PADI3: variants seen among roughly 807,000 people sequenced by gnomAD.
PADI3 encodes the protein peptidyl arginine deiminase 3.
PADI3 carries 53 observed loss-of-function variants against 71.5 expected under a neutral mutation model. That is an observed-to-expected ratio of 0.74 (90% CI 0.59 to 0.93). The LOEUF is 0.93. Among genes scored for constraint, PADI3 ranks in the 40% least tolerant of loss-of-function variants. The probability of loss-of-function intolerance (pLI) is 0.00; values close to 1 mark genes in which losing one functional copy is unlikely to be tolerated. For missense variants in PADI3, 821 were observed against 868.0 expected, an observed-to-expected ratio of 0.95 and a Z score of 0.68; for synonymous variants, 361 against 347.5, an observed-to-expected ratio of 1.04 and a Z score of -0.43.
At chr1:17,256,107 T>A (rs1464560038) in intron 1 of PADI3, among the ~76,000 whole-genome samples, 1 of 152,174 alleles carries the variant, frequency 6.6e-6, no homozygotes, top group Non-Finnish European at 1.5e-5. Flanking sequence ...CTTGGTGCCT[T>A]CCCTGGGGAA....
chr1:17,271,583 C>T (rs180703313), intron 9 of PADI3, among the ~76,000 whole-genome samples: 48 of 152,032 alleles, frequency 3.2e-4, no homozygotes, highest in Admixed American at 6.6e-4. Flanking sequence ...TCAGTAGTGT[C>T]GAGGCTGAGA....
At chr1:17,273,514 G>A in intron 10 of PADI3, 67 bp downstream of exon 10, 1 of 1,059,662 alleles carries the variant, frequency 9.4e-7, no homozygotes, top group Non-Finnish European at 1.4e-6. Flanking sequence ...CCACACCGGG[G>A]TGTGGGGTAC....
At chr1:17,262,099 C>T (rs764905105) in intron 2 of PADI3, 34 bp from the exon 3 acceptor site, 43 of 1,600,854 alleles carry the variant, frequency 2.7e-5, no homozygotes, top group Non-Finnish European at 3.6e-5. Flanking sequence ...CTCTTGGCTT[C>T]TGCTGGTATT....
At chr1:17,251,359 C>T (rs952059685) in intron 1 of PADI3, among the ~76,000 whole-genome samples, 1 of 152,162 alleles carries the variant, frequency 6.6e-6, no homozygotes, top group Non-Finnish European at 1.5e-5. Context: ...AGAGAAAGGG[C>T]AGTAGGTGTT....
chr1:17,283,350 A>G lies in PADI3; in HGVS notation c.*271A>G. 1 of 424,248 alleles carries G rather than the reference A, an allele frequency of 2.4e-6. No individual in the cohort carries two copies. The highest frequency in any genetic ancestry group is 4.3e-6 in the Non-Finnish European group (1 of 233,166). The allele number at this position is 424,248 out of a possible 1,614,324, so 26.3% of individuals were successfully genotyped here. ...TCCTGTGATTCAACACAACCCATGG[A>G]GATGTCCCCTTCTCACTCTGAAATC... On this transcript the variant is annotated 3_prime_UTR_variant, in exon 16 of 16. Coordinates refer to ENST00000375460, the MANE Select transcript of PADI3 (RefSeq NM_016233.2).
chr1:17,269,503 C>T (rs909422803), intron 6 of PADI3, among the ~76,000 whole-genome samples: 2 of 152,210 alleles, frequency 1.3e-5, no homozygotes, highest in Middle Eastern at 3.2e-3. Flanking sequence ...CATGGGTGCA[C>T]TGTAGTTGCA....
At chr1:17,268,899 T>C (rs879363712) in intron 6 of PADI3, among the ~76,000 whole-genome samples, 3 of 151,406 alleles carry the variant, frequency 2.0e-5, no homozygotes, top group Non-Finnish European at 4.4e-5. Flanking sequence ...TTTTTTTTTT[T>C]TTTTGAGTCA....
chr1:17,254,078 G>A (rs2072998451), intron 1 of PADI3, among the ~76,000 whole-genome samples: 1 of 152,154 alleles, frequency 6.6e-6, no homozygotes, highest in African/African-American at 2.4e-5. Context: ...AAATACGGGG[G>A]ATTTGGAAAA....
chr1:17,274,553 T>G (rs748502128), intron 10 of PADI3, 82 bp from the exon 11 acceptor site: 36 of 1,334,406 alleles, frequency 2.7e-5, no homozygotes, highest in Non-Finnish European at 3.4e-5. Flanking sequence ...CACCCTGTCT[T>G]GAAGGAGCTC....
chr1:17,260,032 T>C, intron 2 of PADI3, among the ~76,000 whole-genome samples: 2 of 152,062 alleles, frequency 1.3e-5, no homozygotes, highest in East Asian at 3.9e-4. Flanking sequence ...TGCTGTGGAG[T>C]GCCATAGGAG....
At chr1:17,276,460 T>C in intron 11 of PADI3, 59 bp from the exon 12 acceptor site, 1 of 1,580,280 alleles carries the variant, frequency 6.3e-7, no homozygotes. Context: ...CTTGTCATTT[T>C]ATTTCTGCAT....
chr1:17,282,827 CT>C lies in PADI3; in HGVS notation c.1762-17del, dbSNP rs1361456417. On this transcript the variant is annotated intron_variant, in intron 15 of 15. Coordinates refer to ENST00000375460, the MANE Select transcript of PADI3 (RefSeq NM_016233.2). ...GTGGGAGCCCAGTGATGAAGTGCTGCTTCCCCTTTGGACTGCAGGTGAACAT... is the reference window on the plus strand; with the variant it reads ...GTGGGAGCCCAGTGATGAAGTGCTGCTCCCCTTTGGACTGCAGGTGAACAT... 1.9e-6 allele frequency: 3 copies of C among 1,581,886 alleles called. No individual in the cohort carries two copies. The South Asian group carries it at 3.4e-5, about 18-fold the overall frequency.
chr1:17,276,852 G>T lies in PADI3; in HGVS notation c.1531G>T (p.Ala511Ser), dbSNP rs748198415. 2 of 1,612,876 alleles carry T rather than the reference G, an allele frequency of 1.2e-6. No homozygotes were observed. Among genetic ancestry groups the T allele is most frequent in the Non-Finnish European group, 1.7e-6 (2 of 1,179,614 alleles). The part of the protein sequence containing the change: ...QEKQKCGHGR[A>S]LLFQGVVDDE... ...AAAGCAGAAGTGTGGCCACGGGAGG[G>T]CCCTCCTGTTCCAGGGGGTTGTTGG... Residue 511 changes from alanine to serine, a missense_variant, in exon 13 of 16, where the codon GCC becomes TCC. Physicochemically the swap from Ala to Ser is moderately conservative, Grantham distance 99. Coordinates refer to ENST00000375460, the MANE Select transcript of PADI3 (RefSeq NM_016233.2).
intron 13 of PADI3, 99 bp from the exon 14 acceptor site, chr1:17,280,251 T>C: frequency 1.1e-6 from 1 of 902,824 alleles, no homozygotes; most frequent in Non-Finnish European, 1.8e-6. Context: ...GGCAAGACCA[T>C]TAGCTGTGAA....
At chr1:17,262,979 A>C (rs534473334) in intron 3 of PADI3, among the ~76,000 whole-genome samples, 24 of 152,320 alleles carry the variant, frequency 1.6e-4, no homozygotes, top group South Asian at 4.1e-4. Context: ...CAATGGCACA[A>C]TCTCAGCTCA....
chr1:17,260,568 A>G (rs1434086524), intron 2 of PADI3, among the ~76,000 whole-genome samples: 3 of 152,164 alleles, frequency 2.0e-5, no homozygotes, highest in Non-Finnish European at 4.4e-5. Context: ...TGAGGTTCAG[A>G]GTAACTGTCC....
In PADI3 at chr1:17,271,086, T is replaced by G. The variant is rs763664949; in HGVS notation, c.955T>G (p.Phe319Val). The change falls in exon 9 of 16, where the codon TTT (phenylalanine) becomes GTT (valine). Residue 319 changes from phenylalanine (F) to valine (V), a missense_variant. Coordinates refer to ENST00000375460, the MANE Select transcript of PADI3 (RefSeq NM_016233.2). ...CCGTAGTGTGAGGAACAACACGTGT[T>G]TTGTGGATGCGGTGGCAGAGCTGGC... ...YVCRVRNNTCFVDAVAELARK... is the reference protein window; with the variant it reads ...YVCRVRNNTCVVDAVAELARK... The G allele has an allele frequency of 6.2e-6, 10 of 1,613,942 alleles. No individual in the cohort carries two copies. The highest frequency in any genetic ancestry group is 8.5e-6 in the Non-Finnish European group (10 of 1,179,954).
intron 3 of PADI3, among the ~76,000 whole-genome samples, chr1:17,263,761 A>G (rs1486752536): frequency 6.6e-6 from 1 of 152,246 alleles, no homozygotes; most frequent in East Asian, 1.9e-4. Context: ...TAGAATATGA[A>G]GAACTCCAAT....
chr1:17,277,588 C>T (rs900515391), intron 13 of PADI3, among the ~76,000 whole-genome samples: 5 of 152,248 alleles, frequency 3.3e-5, no homozygotes, highest in African/African-American at 1.2e-4. Flanking sequence ...TCCTGTCTCC[C>T]AGCCTCCCTG....
Sources: allele counts gnomAD v4.1 joint callset (sites outside exome capture counted in the v4.1 genomes callset), GRCh38; gene constraint gnomAD v4.1.1; transcripts MANE v1.5; gene names NCBI Gene and HGNC (gene_info 2026-07-23, HGNC 2026-07-21).